CCDC30: variants seen among roughly 807,000 people sequenced by gnomAD.
CCDC30 encodes the protein coiled-coil domain containing 30.
Under a neutral mutation model 100.2 loss-of-function variants are expected in CCDC30, and 70 were observed. That is an observed-to-expected ratio of 0.70 (90% CI 0.58 to 0.85). The LOEUF (loss-of-function observed/expected upper bound fraction) is 0.85. Among genes scored for constraint, CCDC30 ranks in the 40% least tolerant of loss-of-function variants. The pLI, the probability that CCDC30 is intolerant of heterozygous loss-of-function variation, is 0.00. For synonymous variants in CCDC30, 233 were observed against 269.5 expected (o/e 0.86, Z 1.33); for missense variants, 652 against 771.2 (o/e 0.85, Z 1.83).
chr1:42,628,909 A>C (rs949064977), intron 11 of CCDC30, among the ~76,000 whole-genome samples: 13 of 152,250 alleles, frequency 8.5e-5, no homozygotes, highest in Admixed American at 6.5e-4. Flanking sequence ...AGAAGGAAAA[A>C]GAAAACTAAT....
chr1:42,463,478 C>T (rs765404998), exon 1 of CCDC30: 9 of 152,272 alleles, frequency 5.9e-5, no homozygotes, highest in Non-Finnish European at 1.2e-4. Context: ...TTCTGCTTCT[C>T]CCCAGTATGG....
chr1:42,587,089 C>G (rs189773021), intron 9 of CCDC30, among the ~76,000 whole-genome samples: 1 of 152,120 alleles, frequency 6.6e-6, no homozygotes, highest in Non-Finnish European at 1.5e-5. Flanking sequence ...CCTTGACCTC[C>G]CAGGCTCAAG....
At chr1:42,561,586 A>G (rs759557955) in intron 6 of CCDC30, among the ~76,000 whole-genome samples, 1 of 152,228 alleles carries the variant, frequency 6.6e-6, no homozygotes, top group East Asian at 1.9e-4. Context: ...TATTCAATAT[A>G]GTATTGGAAG....
In CCDC30 at chr1:42,495,228, T is replaced by C. The variant is rs376326119; in HGVS notation, c.242-1870T>C. On this transcript the variant is annotated intron_variant, in intron 4 of 16. Transcript: ENST00000668663. ...GTAGGGACATGGATGAAATTGGAAA[T>C]CATCATTCTCAGTAAACTATTGCAA... is the stretch of plus-strand genomic sequence containing the variant. Among the ~76,000 whole-genome samples the C allele has an allele frequency of 2.6e-5, 4 of 151,380 alleles. No homozygotes were observed. In the South Asian group the frequency reaches 8.4e-4, roughly 32 times the overall value.
In CCDC30 at chr1:42,539,238, A is replaced by C; in HGVS notation, c.457-27058A>C. The C allele has an allele frequency of 3.1e-6, 5 of 1,610,798 alleles. No homozygotes were observed. Among genetic ancestry groups the C allele is most frequent in the Non-Finnish European group, 4.2e-6 (5 of 1,178,554 alleles). On this transcript the variant is annotated intron_variant, in intron 6 of 16. Transcript: ENST00000668663. ...ATGAAGTTCACAATCTTCCAGGGGA[A>C]TCAGAAAGCAAAGACCATTTTTTAA...
intron 6 of CCDC30, among the ~76,000 whole-genome samples, chr1:42,552,222 C>T (rs1295207292): frequency 3.3e-5 from 5 of 152,216 alleles, no homozygotes; most frequent in Middle Eastern, 6.8e-3. Flanking sequence ...TTTATCCAGC[C>T]CATTAATAAA....
chr1:42,595,125 T>G (rs1434799175), intron 10 of CCDC30: 1 of 152,210 alleles, frequency 6.6e-6, no homozygotes, highest in Non-Finnish European at 1.5e-5. Context: ...ATAAAGTGAT[T>G]TTCTTGGTCA....
At chr1:42,464,462 G>A (rs1457834417) in intron 1 of CCDC30, among the ~76,000 whole-genome samples, 1 of 152,156 alleles carries the variant, frequency 6.6e-6, no homozygotes, top group Non-Finnish European at 1.5e-5. Flanking sequence ...TTCTGGAGAG[G>A]AGATGATTGA....
intron 6 of CCDC30, among the ~76,000 whole-genome samples, chr1:42,500,648 C>T (rs1055551335): frequency 6.6e-6 from 1 of 152,076 alleles, no homozygotes; most frequent in Non-Finnish European, 1.5e-5. Flanking sequence ...CTCCTGACCT[C>T]GTGATCCACC....
chr1:42,556,296 C>A, intron 6 of CCDC30: 3 of 1,613,942 alleles, frequency 1.9e-6, no homozygotes, highest in Non-Finnish European at 2.5e-6. Context: ...CAGCAGTTAA[C>A]CATGAAGCCT....
chr1:42,539,147 A>G (rs773894993), intron 6 of CCDC30, 26 bp from the exon 8 acceptor site: 9 of 1,524,182 alleles, frequency 5.9e-6, no homozygotes, highest in Non-Finnish European at 8.0e-6. Flanking sequence ...ATTTTATTCT[A>G]CTAAATGTCT....
intron 6 of CCDC30, among the ~76,000 whole-genome samples, chr1:42,535,817 T>A (rs1436043613): frequency 2.1e-5 from 3 of 142,798 alleles, no homozygotes; most frequent in Admixed American, 7.6e-5. Flanking sequence ...GTTGTGTTCC[T>A]AAGTTGTATT....
At chr1:42,491,268 T>G (rs1185448978) in intron 4 of CCDC30, among the ~76,000 whole-genome samples, 1 of 152,216 alleles carries the variant, frequency 6.6e-6, no homozygotes, top group Non-Finnish European at 1.5e-5. Flanking sequence ...ACACATTCTT[T>G]TCATATACCC....
At chr1:42,510,213 T>A in intron 6 of CCDC30, 1 of 706,978 alleles carries the variant, frequency 1.4e-6, no homozygotes, top group Non-Finnish European at 1.7e-6. Flanking sequence ...TTACTCTCTC[T>A]ATTTTCTCTT....
chr1:42,529,139 T>TGAAC (rs1398335375), intron 6 of CCDC30, among the ~76,000 whole-genome samples: 1 of 152,192 alleles, frequency 6.6e-6, no homozygotes, highest in African/African-American at 2.4e-5. Context: ...ACACTGTAAA[T>TGAAC]ATTTCTTCTT....
chr1:42,493,554 T>G (rs1644180705), intron 4 of CCDC30, among the ~76,000 whole-genome samples: 1 of 151,892 alleles, frequency 6.6e-6, no homozygotes, highest in African/African-American at 2.4e-5. Flanking sequence ...GCCACTGCAC[T>G]CCAGCCTGGC....
downstream of CCDC30, among the ~76,000 whole-genome samples, chr1:42,655,461 C>T (rs948541825): frequency 1.3e-5 from 2 of 152,150 alleles, no homozygotes; most frequent in Non-Finnish European, 2.9e-5. Context: ...GCAGGAGAAT[C>T]ACTTGAACCC....
intron 6 of CCDC30, among the ~76,000 whole-genome samples, chr1:42,545,186 A>AAAAAAAAAAAAAAAAAAAT (rs760685126): frequency 7.9e-6 from 1 of 126,138 alleles, no homozygotes; most frequent in Non-Finnish European, 1.7e-5. Flanking sequence ...AAAAAAAAAA[A>AAAAAAAAAAAAAAAAAAAT]AAGGGAATTT....
chr1:42,599,642 A>T (rs1267101449), intron 10 of CCDC30, among the ~76,000 whole-genome samples: 1 of 152,248 alleles, frequency 6.6e-6, no homozygotes, highest in Non-Finnish European at 1.5e-5. Flanking sequence ...AACAAAACCC[A>T]ACTATATGTT....
Sources: allele counts gnomAD v4.1 joint callset (sites outside exome capture counted in the v4.1 genomes callset), GRCh38; gene constraint gnomAD v4.1.1; transcripts MANE v1.5; gene names NCBI Gene and HGNC (gene_info 2026-07-23, HGNC 2026-07-21).